The following RBMS3 variants were observed in gnomAD, a reference collection of about 807,000 sequenced individuals.
RBMS3 encodes the protein RNA-binding motif, single-stranded-interacting protein 3.
Under a neutral mutation model 66.8 loss-of-function variants are expected in RBMS3, and 27 were observed. The observed-to-expected ratio is 0.40, with a 90% CI of 0.30 to 0.56. RBMS3 has a LOEUF of 0.56. RBMS3 is among the 20% of genes least tolerant of loss of function. The probability of loss-of-function intolerance (pLI) is 0.40; values close to 1 mark genes in which losing one functional copy is unlikely to be tolerated. For missense variants in RBMS3, 513 were observed against 549.5 expected (o/e 0.93, Z 0.66); for synonymous variants, 188 against 183.0 (o/e 1.03, Z -0.22).
chr3:29,985,718 C>T (rs71321119), intron 12 of RBMS3, among the ~76,000 whole-genome samples: 1 of 152,098 alleles, frequency 6.6e-6, no homozygotes, highest in African/African-American at 2.4e-5. Context: ...CCAGGTACCT[C>T]AGTTGGAAAT....
At chr3:29,609,052 CAA>C (rs2048404015) in intron 4 of RBMS3, among the ~76,000 whole-genome samples, 2 of 151,730 alleles carry the variant, frequency 1.3e-5, no homozygotes, top group Non-Finnish European at 2.9e-5. Flanking sequence ...TTTTTATTTC[CAA>C]ACTGTTGTGG....
At chr3:29,827,939 C>T (rs191817152) in intron 6 of RBMS3, among the ~76,000 whole-genome samples, 1 of 152,292 alleles carries the variant, frequency 6.6e-6, no homozygotes, top group East Asian at 1.9e-4. Context: ...AGCATCCAGA[C>T]ACAGTGAGTC....
At chr3:29,791,465 G>A (rs1391683109) in intron 6 of RBMS3, among the ~76,000 whole-genome samples, 1 of 152,126 alleles carries the variant, frequency 6.6e-6, no homozygotes, top group Non-Finnish European at 1.5e-5. Flanking sequence ...TGCTTTAGCT[G>A]ATATTCATTA....
At chr3:29,750,918 G>A (rs1371235194) in intron 5 of RBMS3, among the ~76,000 whole-genome samples, 2 of 152,146 alleles carry the variant, frequency 1.3e-5, no homozygotes. Context: ...TTGGAAATAT[G>A]TAAAGTATTA....
At chr3:29,852,411 C>T (rs1036588533) in intron 6 of RBMS3, among the ~76,000 whole-genome samples, 2 of 152,134 alleles carry the variant, frequency 1.3e-5, no homozygotes, top group African/African-American at 2.4e-5. Context: ...ATAAACTGTG[C>T]ATCTGACAAA....
intron 4 of RBMS3, among the ~76,000 whole-genome samples, chr3:29,623,337 A>T (rs2048942523): frequency 6.6e-6 from 1 of 152,100 alleles, no homozygotes; most frequent in Non-Finnish European, 1.5e-5. Context: ...TCACGCCTGT[A>T]ATCCCAGCAC....
chr3:29,747,824 A>G (rs565404422), intron 5 of RBMS3, among the ~76,000 whole-genome samples: 22 of 152,204 alleles, frequency 1.4e-4, no homozygotes, highest in Non-Finnish European at 3.1e-4. Flanking sequence ...AAACAGGGGC[A>G]GAAGTTGTCC....
intron 1 of RBMS3, among the ~76,000 whole-genome samples, chr3:29,324,682 C>G (rs888741138): frequency 6.8e-5 from 10 of 147,864 alleles, no homozygotes; most frequent in African/African-American, 2.1e-4. Flanking sequence ...ATCTCCTGCA[C>G]TAAAGTTTAA....
At chr3:29,355,719 G>A (rs1267998204) in intron 1 of RBMS3, among the ~76,000 whole-genome samples, 1 of 151,962 alleles carries the variant, frequency 6.6e-6, no homozygotes, top group Non-Finnish European at 1.5e-5. Context: ...CAAAATGAGG[G>A]GAAAAGCATT....
chr3:29,694,696 T>C (rs1036958408), intron 4 of RBMS3, among the ~76,000 whole-genome samples: 2 of 152,200 alleles, frequency 1.3e-5, no homozygotes, highest in Non-Finnish European at 2.9e-5. Flanking sequence ...AGTTCAATTA[T>C]GTTTTAAACA....
intron 1 of RBMS3, among the ~76,000 whole-genome samples, chr3:29,282,762 G>A (rs2031922294): frequency 6.6e-6 from 1 of 152,060 alleles, no homozygotes; most frequent in Non-Finnish European, 1.5e-5. Context: ...AGTGAACAAG[G>A]CGTGCCTGAA....
intron 3 of RBMS3, among the ~76,000 whole-genome samples, chr3:29,582,418 C>T (rs1254685026): frequency 1.3e-5 from 2 of 152,190 alleles, no homozygotes; most frequent in South Asian, 4.1e-4. Flanking sequence ...CTGGCCTTCT[C>T]CCCCTGACAA....
At chr3:29,611,642 C>T (rs997502641) in intron 4 of RBMS3, among the ~76,000 whole-genome samples, 9 of 151,842 alleles carry the variant, frequency 5.9e-5, no homozygotes, top group African/African-American at 1.7e-4. Flanking sequence ...TGGATAAAGC[C>T]AGAGGGCAGG....
intron 1 of RBMS3, among the ~76,000 whole-genome samples, chr3:29,390,475 T>C (rs2039238930): frequency 6.6e-6 from 1 of 152,206 alleles, no homozygotes; most frequent in South Asian, 2.1e-4. Context: ...TAGACTGTTT[T>C]AATGTACTCC....
At position 29,940,559 on chromosome 3, in the gene RBMS3, T is replaced by A. The variant is rs543033561; in HGVS notation, c.1051-3648T>A. Among the ~76,000 whole-genome samples, 3 of 151,978 alleles carry A rather than the reference T, an allele frequency of 2.0e-5. No homozygotes were observed. In the South Asian group the frequency reaches 6.2e-4, roughly 31 times the overall value. Reference sequence around the variant, plus strand: ...AACACTGGCTTAGTCCCACTCTTCCTTTTAAAGTCCCTGGCTAAAGGAATT... The same window carrying A: ...AACACTGGCTTAGTCCCACTCTTCCATTTAAAGTCCCTGGCTAAAGGAATT... On this transcript the variant is annotated intron_variant, in intron 11 of 14. Transcript: ENST00000383767.
At chr3:29,450,931 A>G (rs542087479) in intron 2 of RBMS3, among the ~76,000 whole-genome samples, 1 of 59,610 alleles carries the variant, frequency 1.7e-5, no homozygotes, top group African/African-American at 6.4e-5. Context: ...ACACACACAC[A>G]CCCCCCACAC....
At chr3:29,567,740 CCT>C (rs990364752) in intron 3 of RBMS3, among the ~76,000 whole-genome samples, 1 of 152,118 alleles carries the variant, frequency 6.6e-6, no homozygotes, top group African/African-American at 2.4e-5. Flanking sequence ...TTCCTCATAG[CCT>C]CTCTCTGTGC....
In RBMS3 at chr3:30,009,592, G is replaced by A. The variant is rs922158445; in HGVS notation, c.*5730G>A. ...TCCACTAAATTTGAACCAGTAGCAC[G>A]GATCAACACGACTTCTGCAATGAGA... On this transcript the variant is annotated 3_prime_UTR_variant, in exon 15 of 15. Coordinates refer to ENST00000383767, the MANE Select transcript of RBMS3 (RefSeq NM_001003793.3). The A allele has an allele frequency of 7.2e-5, 11 of 151,994 alleles. No homozygotes were observed. The highest frequency in any genetic ancestry group is 5.2e-4 in the Admixed American group (8 of 15,252). 9.4% of individuals were successfully genotyped at this position (151,994 alleles called of 1,614,324 possible).
At chr3:29,788,067 G>T (rs1186454949) in intron 6 of RBMS3, among the ~76,000 whole-genome samples, 4 of 152,086 alleles carry the variant, frequency 2.6e-5, no homozygotes, top group Admixed American at 2.6e-4. Context: ...AAAAGCTATT[G>T]TCAACATTCC....
Sources: gnomAD v4.1 joint callset for allele counts (sites outside exome capture counted in the v4.1 genomes callset) on GRCh38, gnomAD v4.1.1 for gene constraint, MANE v1.5 for transcripts, NCBI Gene and HGNC (gene_info 2026-07-23, HGNC 2026-07-21) for gene names.